The following MAN1C1 variants were observed in gnomAD, a reference collection of about 807,000 sequenced individuals.
MAN1C1 encodes the protein mannosidase alpha class 1C member 1, also known as mannosyl-oligosaccharide 1,2-alpha-mannosidase IC.
A neutral mutation model predicts 71.5 loss-of-function variants in MAN1C1; 49 were observed. That is an observed-to-expected ratio of 0.69 (90% confidence interval 0.54 to 0.87). MAN1C1 has a LOEUF of 0.87. Ranked by LOEUF, MAN1C1 falls within the 40% of genes least tolerant of loss-of-function variation. MAN1C1 has a pLI of 0.00. For missense variants in MAN1C1, 743 were observed against 835.0 expected, an observed-to-expected ratio of 0.89 and a Z score of 1.36; for synonymous variants, 352 against 343.7, an observed-to-expected ratio of 1.02 and a Z score of -0.27.
At chr1:25,781,757 G>A (rs1323994253) in intron 10 of MAN1C1, among the ~76,000 whole-genome samples, 1 of 151,860 alleles carries the variant, frequency 6.6e-6, no homozygotes, top group East Asian at 1.9e-4. Flanking sequence ...GGCATGCTCA[G>A]GTTTACTGGC....
At chr1:25,660,811 C>T (rs527913640) in intron 1 of MAN1C1, among the ~76,000 whole-genome samples, 2 of 152,216 alleles carry the variant, frequency 1.3e-5, no homozygotes, top group South Asian at 2.1e-4. Flanking sequence ...CCACCTCAGC[C>T]TCCCAAGTAG....
rs1448759279 is a variant in MAN1C1, at chr1:25,631,390, G to T, written c.540+13053G>T. 6.6e-6 allele frequency among the ~76,000 whole-genome samples: 1 copy of T among 152,112 alleles called. No homozygotes were observed. The highest frequency in any genetic ancestry group is 1.5e-5 in the Non-Finnish European group (1 of 68,002). On this transcript the variant is annotated intron_variant, in intron 1 of 11. Transcript: ENST00000374332. The surrounding 1 kb of genome is among the most constrained non-coding windows in gnomAD (Gnocchi z 4.2). ...GTTGGTTATGGGTTTGTCATATATG[G>T]CTTTTATTATTTTGAGATAAGTCCT...
chr1:25,692,901 G>T (rs2124194340), intron 2 of MAN1C1, among the ~76,000 whole-genome samples: 1 of 152,274 alleles, frequency 6.6e-6, no homozygotes, highest in South Asian at 2.1e-4. Context: ...AGAAGACTCA[G>T]ATTTCCCTCT....
At chr1:25,635,585 G>A (rs552816056) in intron 1 of MAN1C1, among the ~76,000 whole-genome samples, 34 of 152,012 alleles carry the variant, frequency 2.2e-4, no homozygotes, top group Non-Finnish European at 2.8e-4. Flanking sequence ...AAGTAGCTGG[G>A]ATTACAGGCA....
chr1:25,759,721 T>C (rs1401492277), intron 6 of MAN1C1: 1 of 152,154 alleles, frequency 6.6e-6, no homozygotes, highest in East Asian at 1.9e-4. Context: ...ACATTTTTAA[T>C]ATGCATTCAT....
chr1:25,751,676 T>C (rs2047218248), intron 4 of MAN1C1, among the ~76,000 whole-genome samples: 1 of 152,242 alleles, frequency 6.6e-6, no homozygotes, highest in South Asian at 2.1e-4. Flanking sequence ...CCATGCTGCA[T>C]ACCTCGTGTA....
chr1:25,618,071 G>T lies in MAN1C1; in HGVS notation c.274G>T (p.Gly92Cys). 6.5e-7 allele frequency: 1 copy of T among 1,539,684 alleles called. No homozygotes were observed. Among genetic ancestry groups the T allele is most frequent in the Non-Finnish European group, 8.7e-7 (1 of 1,148,544 alleles). The change falls in exon 1 of 12, where the codon GGC becomes TGC. Residue 92 changes from glycine to cysteine, a missense_variant. Gly to Cys is a radical substitution (Grantham distance 159, BLOSUM62 -3). Coordinates refer to ENST00000374332, the MANE Select transcript of MAN1C1 (RefSeq NM_020379.4). ...CCCGGCCCCCGCCGCGCCGGCCCCGGGCGAGGATGACCCCAGCAGCTGGGC... is the reference window on the plus strand; with the variant it reads ...CCCGGCCCCCGCCGCGCCGGCCCCGTGCGAGGATGACCCCAGCAGCTGGGC... ...PNPAPAAPAP[G>C]EDDPSSWASP...
At chr1:25,654,882 C>A (rs1388361598) in intron 1 of MAN1C1, among the ~76,000 whole-genome samples, 1 of 152,182 alleles carries the variant, frequency 6.6e-6, no homozygotes, top group Non-Finnish European at 1.5e-5. Flanking sequence ...CCTGACCTCA[C>A]GATCTGCCCA....
At chr1:25,626,314 G>C (rs1375884039) in intron 1 of MAN1C1, among the ~76,000 whole-genome samples, 1 of 151,792 alleles carries the variant, frequency 6.6e-6, no homozygotes, top group East Asian at 1.9e-4. Context: ...GTTAACTGTT[G>C]ATATTGAATG....
intron 1 of MAN1C1, among the ~76,000 whole-genome samples, chr1:25,641,371 T>G (rs1156575153): frequency 1.3e-5 from 2 of 152,130 alleles, no homozygotes; most frequent in Non-Finnish European, 2.9e-5. Flanking sequence ...CCCTCCCCAC[T>G]CCAAGGGTGA....
chr1:25,633,672 A>G (rs551602877), intron 1 of MAN1C1, among the ~76,000 whole-genome samples: 1 of 151,658 alleles, frequency 6.6e-6, no homozygotes, highest in South Asian at 2.1e-4. Flanking sequence ...ATGAATCCTT[A>G]TACGTTAGGT....
chr1:25,683,841 G>A (rs1184641376), intron 1 of MAN1C1, among the ~76,000 whole-genome samples: 8 of 152,316 alleles, frequency 5.3e-5, no homozygotes, highest in South Asian at 2.1e-4. Context: ...ACCCATGGCC[G>A]GAGTCGGGAG....
Position 25,623,544 on chromosome 1 carries a change from C to T in MAN1C1, c.540+5207C>T, listed in dbSNP as rs560994979. On this transcript the variant is annotated intron_variant, in intron 1 of 11. Transcript: ENST00000374332. ...AGAAATGCTTTTTCTCTAGCTTTCCCAGAAGACAGATCCATTACTCCACCA... is the reference window on the plus strand; with the variant it reads ...AGAAATGCTTTTTCTCTAGCTTTCCTAGAAGACAGATCCATTACTCCACCA... Among the ~76,000 whole-genome samples the T allele has an allele frequency of 2.2e-3, 330 of 152,216 alleles. 3 individuals are homozygous for T. Among genetic ancestry groups the T allele is most frequent in the African/African-American group, 7.7e-3 (318 of 41,524 alleles).
In MAN1C1 at chr1:25,758,628, C is replaced by T. The variant is rs372154330; in HGVS notation, c.966C>T (p.Ser322=). 13 of 1,614,208 alleles carry T rather than the reference C, an allele frequency of 8.1e-6. No individual in the cohort carries two copies. In the African/African-American group the frequency reaches 1.6e-4, roughly 20 times the overall value. ...NWGWATAGSS[S]ILAEFGSLHL... is the part of the protein sequence containing the mutation. ...GCTGGGCCACAGCCGGCAGCAGCAG[C>T]ATCTTGGCGGAGTTTGGATCCCTGC... Residue 322 remains serine, a synonymous_variant, in exon 6 of 12, where the codon AGC becomes AGT. Coordinates refer to ENST00000374332, the MANE Select transcript of MAN1C1 (RefSeq NM_020379.4).
At chr1:25,723,713 G>A (rs1479539387) in intron 2 of MAN1C1, among the ~76,000 whole-genome samples, 2 of 152,190 alleles carry the variant, frequency 1.3e-5, no homozygotes, top group Non-Finnish European at 2.9e-5. Context: ...ATCATCTGTA[G>A]AGTGGGACAA....
chr1:25,764,294 C>G lies in MAN1C1; in HGVS notation c.1141+327C>G, dbSNP rs999163297. On this transcript the variant is annotated intron_variant, in intron 7 of 11. Coordinates refer to ENST00000374332, the MANE Select transcript of MAN1C1 (RefSeq NM_020379.4). This position sits in a 1 kb window ranked among gnomAD's most constrained non-coding sequence, Gnocchi z 4.4. ...TGCTGCGGGAGCCTCCTGCATTATA[C>G]CCCAGGTTCTCGGGAGGGTCCCAGG... 6.6e-6 allele frequency among the ~76,000 whole-genome samples: 1 copy of G among 152,194 alleles called. No homozygotes were observed. The highest frequency in any genetic ancestry group is 6.5e-5 in the Admixed American group (1 of 15,290).
intron 2 of MAN1C1, among the ~76,000 whole-genome samples, chr1:25,722,888 T>G (rs896949530): frequency 7.9e-5 from 12 of 152,202 alleles, no homozygotes; most frequent in Non-Finnish European, 1.3e-4. Flanking sequence ...GTGTTTGTTC[T>G]CTAGAGCTAG....
At chr1:25,759,272 C>T (rs1572200458) in intron 6 of MAN1C1, 1 of 159,696 alleles carries the variant, frequency 6.3e-6, no homozygotes, top group East Asian at 1.7e-4. Context: ...GACAGCTGCT[C>T]ATACCTGGCC....
chr1:25,729,694 T>A (rs1240924626), intron 2 of MAN1C1, among the ~76,000 whole-genome samples: 1 of 152,086 alleles, frequency 6.6e-6, no homozygotes, highest in Non-Finnish European at 1.5e-5. Flanking sequence ...ATATTTTTAA[T>A]AGAGACAGGG....
Sources: allele counts gnomAD v4.1 joint callset (sites outside exome capture counted in the v4.1 genomes callset), GRCh38; gene constraint gnomAD v4.1.1; non-coding constraint Gnocchi (gnomAD v3.1); transcripts MANE v1.5; gene names NCBI Gene and HGNC (gene_info 2026-07-23, HGNC 2026-07-21).